Variants in EPB41L2 observed in about 807,000 individuals in gnomAD.
EPB41L2 encodes the protein erythrocyte membrane protein band 4.1 like 2.
Under a neutral mutation model 113.0 loss-of-function variants are expected in EPB41L2, and 43 were observed. The ratio of observed to expected loss-of-function variants is 0.38; its 90% CI spans 0.30 to 0.49. EPB41L2 has a LOEUF of 0.49. EPB41L2 is among the 20% of genes least tolerant of loss of function. The pLI is 0.95. For missense variants in EPB41L2, 1,147 were observed against 1,223.4 expected (o/e 0.94, Z 0.93); for synonymous variants, 442 against 436.7 (o/e 1.01, Z -0.15).
chr6:130,998,710 T>C (rs1005997512), intron 1 of EPB41L2, among the ~76,000 whole-genome samples: 3 of 152,120 alleles, frequency 2.0e-5, no homozygotes, highest in Non-Finnish European at 4.4e-5. Context: ...TTACAGTAAA[T>C]AAAACCAGTA....
chr6:130,925,037 G>A (rs1244289546), intron 4 of EPB41L2, among the ~76,000 whole-genome samples: 1 of 152,138 alleles, frequency 6.6e-6, no homozygotes, highest in East Asian at 1.9e-4. Flanking sequence ...AGGCAATTAA[G>A]AATATGAGTC....
chr6:130,993,902 A>T (rs1782469569), intron 1 of EPB41L2, among the ~76,000 whole-genome samples: 1 of 152,188 alleles, frequency 6.6e-6, no homozygotes, highest in Non-Finnish European at 1.5e-5. Context: ...AATGTTTAAA[A>T]ACCAACCCAA....
intron 1 of EPB41L2, among the ~76,000 whole-genome samples, chr6:130,994,489 C>A (rs1268217738): frequency 1.3e-5 from 2 of 152,176 alleles, no homozygotes; most frequent in Non-Finnish European, 2.9e-5. Context: ...GAGGAATGAA[C>A]AGCCCCTGCA....
chr6:130,956,359 C>A lies in EPB41L2; in HGVS notation c.127G>T (p.Glu43Ter). 6.2e-7 allele frequency: 1 copy of A among 1,614,142 alleles called. No homozygotes were observed. Among genetic ancestry groups the A allele is most frequent in the Non-Finnish European group, 8.5e-7 (1 of 1,180,034 alleles). ...NQQNQSSDPE[E>*]EKGSQPPPAA... ...GGAGGTGGCTGGGAACCTTTTTCCT[C>A]CTCTGGATCGGAAGACTGATTCTGC... Residue 43 changes from glutamate (E) to a stop codon, truncating the protein, a stop_gained, in exon 2 of 20, where the codon GAG becomes TAG. Coordinates refer to ENST00000337057, the MANE Select transcript of EPB41L2 (RefSeq NM_001431.4). LOFTEE classifies it high-confidence loss of function.
chr6:130,915,554 T>G (rs980337536), intron 4 of EPB41L2, among the ~76,000 whole-genome samples: 3 of 152,236 alleles, frequency 2.0e-5, no homozygotes, highest in African/African-American at 7.2e-5. Flanking sequence ...ATACCATTTA[T>G]GCTAGCCAAT....
chr6:130,965,460 A>C (rs955314915), intron 1 of EPB41L2, among the ~76,000 whole-genome samples: 1 of 152,180 alleles, frequency 6.6e-6, no homozygotes, highest in Non-Finnish European at 1.5e-5. Flanking sequence ...TCTCCTTCTC[A>C]ATTTTATTTG....
chr6:130,989,022 G>A (rs1781211289), intron 1 of EPB41L2, among the ~76,000 whole-genome samples: 2 of 152,182 alleles, frequency 1.3e-5, no homozygotes, highest in Non-Finnish European at 2.9e-5. Context: ...CCAGGAGGCA[G>A]AGGTTGCAGT....
At chr6:130,909,711 C>T (rs528471671) in intron 4 of EPB41L2, among the ~76,000 whole-genome samples, 22 of 152,066 alleles carry the variant, frequency 1.4e-4, no homozygotes, top group Non-Finnish European at 1.8e-4. Context: ...AATCAATGTG[C>T]GAAAATCACA....
intron 16 of EPB41L2, among the ~76,000 whole-genome samples, chr6:130,866,151 T>C (rs564986546): frequency 6.6e-6 from 1 of 152,376 alleles, no homozygotes; most frequent in African/African-American, 2.4e-5. Context: ...GTTCCTGTAA[T>C]AGTTTGCATG....
chr6:130,959,974 T>G (rs1325190642), intron 1 of EPB41L2, among the ~76,000 whole-genome samples: 1 of 152,248 alleles, frequency 6.6e-6, no homozygotes, highest in Non-Finnish European at 1.5e-5. Flanking sequence ...TTTCCACTAT[T>G]ATGTTAAAAG....
At chr6:130,963,719 T>C (rs1360033267) in intron 1 of EPB41L2, among the ~76,000 whole-genome samples, 2 of 152,214 alleles carry the variant, frequency 1.3e-5, no homozygotes, top group Non-Finnish European at 2.9e-5. Flanking sequence ...AGATACGATT[T>C]CCTGAAGTTA....
Position 130,914,565 on chromosome 6 carries a change from C to T in EPB41L2, c.811-5702G>A, listed in dbSNP as rs181502407. Among the ~76,000 whole-genome samples the T allele has an allele frequency of 2.9e-3, 435 of 152,208 alleles. 9 individuals carry two copies. Among genetic ancestry groups the T allele is most frequent in the Admixed American group, 0.026 (402 of 15,288 alleles). On this transcript the variant is annotated intron_variant, in intron 4 of 19. Coordinates refer to ENST00000337057, the MANE Select transcript of EPB41L2 (RefSeq NM_001431.4). ...AATTTTTTAAAAGACAGCTCTTTGTCCATGGACAACTGCCCAGAACATCCT... is the reference window on the plus strand; with the variant it reads ...AATTTTTTAAAAGACAGCTCTTTGTTCATGGACAACTGCCCAGAACATCCT...
intron 1 of EPB41L2, among the ~76,000 whole-genome samples, chr6:131,002,765 T>C (rs1023243941): frequency 6.6e-6 from 1 of 152,220 alleles, no homozygotes; most frequent in Non-Finnish European, 1.5e-5. Flanking sequence ...AGCCACATCA[T>C]AATGGTTTTC....
intron 10 of EPB41L2, among the ~76,000 whole-genome samples, chr6:130,894,048 A>G (rs1793807750): frequency 6.6e-6 from 1 of 152,092 alleles, no homozygotes; most frequent in South Asian, 2.1e-4. Flanking sequence ...CCTGGGAGGG[A>G]CTGCAGACAA....
At chr6:130,988,483 TC>T (rs1464752700) in intron 1 of EPB41L2, among the ~76,000 whole-genome samples, 3 of 152,288 alleles carry the variant, frequency 2.0e-5, no homozygotes, top group African/African-American at 7.2e-5. Context: ...AAGTGACTAT[TC>T]CTGAAAAGTT....
intron 4 of EPB41L2, among the ~76,000 whole-genome samples, chr6:130,923,536 C>T (rs1244285351): frequency 6.6e-6 from 1 of 152,146 alleles, no homozygotes; most frequent in African/African-American, 2.4e-5. Context: ...CTCAGGGCCT[C>T]GTGTATGTGC....
chr6:130,955,577 T>C (rs534218927), intron 2 of EPB41L2, among the ~76,000 whole-genome samples: 17 of 152,284 alleles, frequency 1.1e-4, no homozygotes, highest in Admixed American at 8.5e-4. Context: ...ACAATTTAAG[T>C]ATCATCTCAA....
At chr6:130,857,992 T>C in intron 19 of EPB41L2, 139 bp downstream of exon 19, 1 of 691,088 alleles carries the variant, frequency 1.4e-6, no homozygotes, top group Non-Finnish European at 2.6e-6. Context: ...CAGATGCACC[T>C]GGGGATGATA....
intron 11 of EPB41L2, among the ~76,000 whole-genome samples, chr6:130,888,253 C>G (rs958519190): frequency 2.0e-5 from 3 of 152,128 alleles, no homozygotes; most frequent in Admixed American, 6.6e-5. Flanking sequence ...CACTGGCTGT[C>G]TGGTCATGTA....
Sources: gnomAD v4.1 joint callset for allele counts (sites outside exome capture counted in the v4.1 genomes callset) on GRCh38, gnomAD v4.1.1 for gene constraint, MANE v1.5 for transcripts, NCBI Gene and HGNC (gene_info 2026-07-23, HGNC 2026-07-21) for gene names.